PFKFB3: variants seen among roughly 807,000 people sequenced by gnomAD.
The protein encoded by PFKFB3 is 6-phosphofructo-2-kinase/fructose-2,6-biphosphatase 3.
In PFKFB3, 33 loss-of-function variants were observed where a neutral mutation model predicts 68.0. The observed-to-expected ratio is 0.49, with a 90% confidence interval of 0.37 to 0.65. The LOEUF is 0.65. Among genes scored for constraint, PFKFB3 ranks in the 30% least tolerant of loss-of-function variants. PFKFB3 has a pLI of 0.00. For missense variants in PFKFB3, 586 were observed against 712.2 expected, an observed-to-expected ratio of 0.82 and a Z score of 2.02; for synonymous variants, 315 against 288.2, an observed-to-expected ratio of 1.09 and a Z score of -0.94.
At chr10:6,303,060 G>A in the PFKFB3 span, among the ~76,000 whole-genome samples, 2 of 152,170 alleles carry the variant, frequency 1.3e-5, no homozygotes, top group African/African-American at 2.4e-5. Context: ...AAGATCAAGC[G>A]TAGGACTGGC....
intron 1 of PFKFB3, among the ~76,000 whole-genome samples, chr10:6,152,982 C>T (rs1341923443): frequency 6.6e-6 from 1 of 152,042 alleles, no homozygotes; most frequent in African/African-American, 2.4e-5. Context: ...AAGTTCGAGA[C>T]CAGCTTGATC....
intron 1 of PFKFB3, among the ~76,000 whole-genome samples, chr10:6,170,845 A>G (rs1006824168): frequency 2.0e-5 from 3 of 152,044 alleles, no homozygotes; most frequent in African/African-American, 7.2e-5. Context: ...GCCCAAGGAT[A>G]AAGTCCAAAG....
the PFKFB3 span, among the ~76,000 whole-genome samples, chr10:6,320,024 C>A: frequency 1.3e-5 from 2 of 151,906 alleles, no homozygotes. Context: ...CATGGTAAAA[C>A]CCTGTCTCCA....
the PFKFB3 span, among the ~76,000 whole-genome samples, chr10:6,317,361 T>C: frequency 6.6e-6 from 1 of 152,170 alleles, no homozygotes; most frequent in Non-Finnish European, 1.5e-5. Context: ...TAAATTCTCC[T>C]GGGATCTTTG....
At chr10:6,276,117 C>T in the PFKFB3 span, among the ~76,000 whole-genome samples, 9 of 152,220 alleles carry the variant, frequency 5.9e-5, no homozygotes, top group Admixed American at 2.0e-4. Flanking sequence ...CTTCTACTGA[C>T]CCAAGAGAAG....
intron 1 of PFKFB3, among the ~76,000 whole-genome samples, chr10:6,165,675 C>T (rs79842688): frequency 6.6e-6 from 1 of 152,124 alleles, no homozygotes; most frequent in Non-Finnish European, 1.5e-5. Flanking sequence ...TGCCTTTTCT[C>T]GATGCGTCTA....
chr10:6,182,002 A>G (rs1449304382), intron 1 of PFKFB3, among the ~76,000 whole-genome samples: 1 of 152,104 alleles, frequency 6.6e-6, no homozygotes, highest in Admixed American at 6.6e-5. Flanking sequence ...CGATGGCTGC[A>G]TAACACTGTG....
chr10:6,287,054 TG>T, the PFKFB3 span, among the ~76,000 whole-genome samples: 6 of 152,188 alleles, frequency 3.9e-5, no homozygotes, highest in African/African-American at 1.4e-4. Flanking sequence ...GCATATACAA[TG>T]GTGCTTCCAT....
chr10:6,215,162 TG>T lies in PFKFB3; in HGVS notation c.203-58del, dbSNP rs1844480728. On this transcript the variant is annotated intron_variant, in intron 2 of 14. Transcript: ENST00000379775. The surrounding 1 kb of genome is among the most constrained non-coding windows in gnomAD (Gnocchi z 4.3). ...CCTTTGGTCGATCCTATGGTCCCGG[TG>T]TGAGCTGGCCCCTTCCTCCTGCTCG... is the stretch of plus-strand genomic sequence containing the variant. 7.1e-7 allele frequency: 1 copy of T among 1,413,846 alleles called. No homozygotes were observed. Among genetic ancestry groups the T allele is most frequent in the Admixed American group, 1.7e-5 (1 of 59,382 alleles). 87.6% of individuals were successfully genotyped at this position (1,413,846 alleles called of 1,614,324 possible).
chr10:6,221,368 C>T lies in PFKFB3; in HGVS notation c.832-13C>T. On this transcript the variant is annotated splice_polypyrimidine_tract_variant and intron_variant, in intron 8 of 14. Coordinates refer to ENST00000379775, the MANE Select transcript of PFKFB3 (RefSeq NM_004566.4). ...GCATCTGGAATCAGTGGTCCCCCTC[C>T]ACCACCTCTCAGTTTGCCAGTGCTC... 1.2e-6 allele frequency: 2 copies of T among 1,613,460 alleles called. No individual in the cohort carries two copies. Among genetic ancestry groups the T allele is most frequent in the East Asian group, 2.2e-5 (1 of 44,870 alleles).
the PFKFB3 span, among the ~76,000 whole-genome samples, chr10:6,301,360 G>T: frequency 6.6e-6 from 1 of 152,156 alleles, no homozygotes; most frequent in African/African-American, 2.4e-5. Flanking sequence ...TCATAAAGGT[G>T]CATTTCCTTC....
chr10:6,262,028 A>AAC, the PFKFB3 span, among the ~76,000 whole-genome samples: 2 of 151,314 alleles, frequency 1.3e-5, no homozygotes, highest in Non-Finnish European at 3.0e-5. Context: ...ACAAAAAAAA[A>AAC]AACACAAAAA....
At chr10:6,231,464 C>T (rs1278023061) in intron 14 of PFKFB3, 10 of 1,470,510 alleles carry the variant, frequency 6.8e-6, no homozygotes, top group Non-Finnish European at 9.0e-6. Flanking sequence ...CCTTTCTAGT[C>T]TGTCTCTCAC....
chr10:6,257,580 GT>G (rs1477927732), downstream of PFKFB3, among the ~76,000 whole-genome samples: 1 of 152,166 alleles, frequency 6.6e-6, no homozygotes, highest in East Asian at 1.9e-4. Flanking sequence ...GTCCAGAATG[GT>G]CTGTGATGGG....
intron 1 of PFKFB3, among the ~76,000 whole-genome samples, chr10:6,185,062 C>T (rs149107754): frequency 4.6e-5 from 7 of 152,196 alleles, no homozygotes; most frequent in Non-Finnish European, 1.0e-4. Flanking sequence ...GACACAAAAA[C>T]CCTGATTTAA....
At chr10:6,258,959 G>A (rs1271856362), downstream of PFKFB3, among the ~76,000 whole-genome samples, 2 of 152,184 alleles carry the variant, frequency 1.3e-5, no homozygotes, top group Non-Finnish European at 2.9e-5. Context: ...ATATGGTGCT[G>A]TGTTTAGCTT....
the PFKFB3 span, among the ~76,000 whole-genome samples, chr10:6,306,004 C>T: frequency 6.6e-6 from 1 of 152,080 alleles, no homozygotes; most frequent in African/African-American, 2.4e-5. Flanking sequence ...TTGTTATTTA[C>T]ATTGGGTTAA....
At chr10:6,183,612 A>AT (rs1554843838) in intron 1 of PFKFB3, among the ~76,000 whole-genome samples, 49 of 55,230 alleles carry the variant, frequency 8.9e-4, no homozygotes, top group Non-Finnish European at 1.3e-3. Flanking sequence ...AAAAAAAAAA[A>AT]AAATATATAT....
upstream of PFKFB3, among the ~76,000 whole-genome samples, chr10:6,201,439 G>A (rs1843346893): frequency 6.7e-6 from 1 of 149,306 alleles, no homozygotes; most frequent in African/African-American, 2.5e-5. This position sits in a 1 kb window ranked among gnomAD's most constrained non-coding sequence, Gnocchi z 4.1. Context: ...GCCGGAGTGG[G>A]GGTCGAGGCG....
Sources: gnomAD v4.1 joint callset for allele counts (sites outside exome capture counted in the v4.1 genomes callset) on GRCh38, gnomAD v4.1.1 for gene constraint, Gnocchi (gnomAD v3.1) non-coding constraint, MANE v1.5 for transcripts, NCBI Gene and HGNC (gene_info 2026-07-23, HGNC 2026-07-21) for gene names.